IFT88: variants seen among roughly 807,000 people sequenced by gnomAD.
The protein encoded by IFT88 is intraflagellar transport protein 88 homolog.
A neutral mutation model predicts 119.5 loss-of-function variants in IFT88; 74 were observed. That is an observed-to-expected ratio of 0.62 (90% confidence interval 0.51 to 0.75). The LOEUF (loss-of-function observed/expected upper bound fraction) is 0.75, where lower values mean the gene tolerates loss of function less well. Among genes scored for constraint, IFT88 ranks in the 30% least tolerant of loss-of-function variants. The pLI is 0.00. For missense variants in IFT88, 961 were observed against 977.7 expected (o/e 0.98, Z 0.23); for synonymous variants, 279 against 316.7 (o/e 0.88, Z 1.26).
At chr13:20,621,526 T>TTAAAA (rs1476682272) in intron 14 of IFT88, among the ~76,000 whole-genome samples, 9 of 130,792 alleles carry the variant, frequency 6.9e-5, no homozygotes, top group African/African-American at 9.5e-5. Context: ...CCTGCTGAGA[T>TTAAAA]AAAAAAAAAA....
At chr13:20,599,137 T>C (rs1253065917) in intron 10 of IFT88, among the ~76,000 whole-genome samples, 1 of 152,052 alleles carries the variant, frequency 6.6e-6, no homozygotes, top group Admixed American at 6.5e-5. Context: ...TATTAAAATG[T>C]ATGTGGCATT....
intron 12 of IFT88, 60 bp downstream of exon 12, chr13:20,601,993 C>T: frequency 1.0e-6 from 1 of 976,816 alleles, no homozygotes. Context: ...TTTCTGTTTT[C>T]AGAATGAGAA....
rs372864877 is a variant in IFT88 at position 20,671,654 on chromosome 13, C to G, written c.2242+615C>G. ...TTTATTGAGTTTTCCACCCCTTCTTCCCATCAACAATCTACCTTCTTTCTC... is the reference window on the plus strand; with the variant it reads ...TTTATTGAGTTTTCCACCCCTTCTTGCCATCAACAATCTACCTTCTTTCTC... On this transcript the variant is annotated intron_variant, in intron 24 of 25. Transcript: ENST00000351808. Among the ~76,000 whole-genome samples the G allele has an allele frequency of 5.4e-4, 83 of 152,314 alleles. 1 individual carries two copies. The South Asian group carries it at 0.016, about 29-fold the overall frequency.
chr13:20,594,748 T>G (rs2041342159), intron 7 of IFT88, among the ~76,000 whole-genome samples: 2 of 152,216 alleles, frequency 1.3e-5, no homozygotes, highest in Admixed American at 1.3e-4. Flanking sequence ...TACCATCTAT[T>G]ATGCTTACTG....
At chr13:20,683,885 T>C (rs1015697365) in intron 24 of IFT88, among the ~76,000 whole-genome samples, 2 of 152,118 alleles carry the variant, frequency 1.3e-5, no homozygotes, top group Admixed American at 6.5e-5. Context: ...GAAGTAGATA[T>C]AACAATTTGA....
intron 7 of IFT88, 145 bp downstream of exon 7, chr13:20,592,549 A>G (rs2040864839): frequency 3.5e-6 from 2 of 574,006 alleles, no homozygotes; most frequent in Non-Finnish European, 6.0e-6. Context: ...GGCTCACTGC[A>G]ACCTTCATCT....
intron 2 of IFT88, among the ~76,000 whole-genome samples, chr13:20,576,284 G>A (rs1486445854): frequency 5.3e-5 from 8 of 152,064 alleles, no homozygotes; most frequent in Admixed American, 5.2e-4. Flanking sequence ...CTTGTCAGAG[G>A]GATAGTTTAT....
At chr13:20,616,972 C>T (rs1013877919) in intron 14 of IFT88, among the ~76,000 whole-genome samples, 5 of 151,938 alleles carry the variant, frequency 3.3e-5, no homozygotes, top group African/African-American at 1.2e-4. Flanking sequence ...GAGACAGAGT[C>T]TTGTTCTGCC....
intron 18 of IFT88, 76 bp downstream of exon 18, chr13:20,641,474 T>C: frequency 1.2e-6 from 1 of 846,644 alleles, no homozygotes; most frequent in Admixed American, 2.1e-5. Context: ...TTAAATAAGT[T>C]TAACTAATGA....
At position 20,691,390 on chromosome 13, in the gene IFT88, C is replaced by T. The variant is rs1186534837; in HGVS notation, c.*215C>T. The T allele has an allele frequency of 2.6e-6, 1 of 390,852 alleles. No homozygotes were observed. Among genetic ancestry groups the T allele is most frequent in the Non-Finnish European group, 4.5e-6 (1 of 220,160 alleles). 24.2% of individuals were successfully genotyped at this position (390,852 alleles called of 1,614,324 possible). A position where few individuals can be genotyped will look rare whatever the true frequency, so the allele number is the denominator to read the frequency against. On this transcript the variant is annotated 3_prime_UTR_variant, in exon 26 of 26. Transcript: ENST00000351808. ...TACTTTAGGCCAGTGACTTCCTTAGCTTTTTGAAAACATTGACACACAGGA... is the reference window on the plus strand; with the variant it reads ...TACTTTAGGCCAGTGACTTCCTTAGTTTTTTGAAAACATTGACACACAGGA...
chr13:20,619,534 A>G (rs887093578), intron 14 of IFT88, among the ~76,000 whole-genome samples: 1 of 152,052 alleles, frequency 6.6e-6, no homozygotes, highest in African/African-American at 2.4e-5. Flanking sequence ...AGTGTTGTCC[A>G]TGTCCTCGCA....
Position 20,601,688 on chromosome 13 carries a change from A to T in IFT88, c.813-17A>T. 4 of 1,513,170 alleles carry T rather than the reference A, an allele frequency of 2.6e-6. No homozygotes were observed. Among genetic ancestry groups the T allele is most frequent in the Non-Finnish European group, 2.7e-6 (3 of 1,093,560 alleles). The allele number at this position is 1,513,170 out of a possible 1,614,324, so 93.7% of individuals were successfully genotyped here. On this transcript the variant is annotated splice_polypyrimidine_tract_variant and intron_variant, in intron 11 of 25. Transcript: ENST00000351808. ...GAGTTCAGAATTTTAAAGCTAATCCATGTCTTTTTCTTTTAGGATTAAAAT... is the reference window on the plus strand; with the variant it reads ...GAGTTCAGAATTTTAAAGCTAATCCTTGTCTTTTTCTTTTAGGATTAAAAT...
In IFT88 at chr13:20,601,892, G is replaced by C. The variant is rs1260113585; in HGVS notation, c.1000G>C (p.Val334Leu). The C allele has an allele frequency of 1.9e-6, 3 of 1,606,734 alleles. No homozygotes were observed. The Admixed American group carries it at 5.0e-5, about 27-fold the overall frequency. ...GAAGGCATTCCAAAAATTGATTACT[G>C]TTCCATTAGAAATTGATGAAGATAA... ...MKKAFQKLIT[V>L]PLEIDEDKYI... The change falls in exon 12 of 26, where the codon GTT becomes CTT. Residue 334 changes from valine to leucine, a missense_variant. Coordinates refer to ENST00000351808, the MANE Select transcript of IFT88 (RefSeq NM_006531.5).
intron 24 of IFT88, among the ~76,000 whole-genome samples, chr13:20,683,690 CT>C (rs1171307296): frequency 6.6e-6 from 1 of 152,054 alleles, no homozygotes; most frequent in East Asian, 1.9e-4. Context: ...CATTTTTTTC[CT>C]TGAATGGTTA....
chr13:20,584,228 C>T (rs536041154), intron 3 of IFT88, among the ~76,000 whole-genome samples: 55 of 151,868 alleles, frequency 3.6e-4, no homozygotes, highest in Non-Finnish European at 3.2e-4. Context: ...GTGGTATGGA[C>T]ATCTTAACAA....
At chr13:20,655,375 G>A (rs1201458909) in intron 21 of IFT88, among the ~76,000 whole-genome samples, 3 of 151,108 alleles carry the variant, frequency 2.0e-5, no homozygotes, top group Non-Finnish European at 4.4e-5. Context: ...AAGGTTGGAG[G>A]TTGCAGTGAG....
intron 14 of IFT88, among the ~76,000 whole-genome samples, chr13:20,617,009 T>A (rs1211118208): frequency 6.6e-6 from 1 of 152,066 alleles, no homozygotes. Context: ...AGTGGCGCAA[T>A]CTCGGCTCAC....
intron 21 of IFT88, among the ~76,000 whole-genome samples, chr13:20,654,229 A>G (rs1216430407): frequency 1.3e-5 from 2 of 152,222 alleles, no homozygotes; most frequent in East Asian, 1.9e-4. Context: ...GGCATACTGT[A>G]TACATTATAT....
At chr13:20,632,367 C>T (rs145106178) in intron 16 of IFT88, among the ~76,000 whole-genome samples, 94 of 152,262 alleles carry the variant, frequency 6.2e-4, no homozygotes, top group Admixed American at 9.8e-4. Context: ...GCTGAGGTTG[C>T]AGGGCCAAGG....
Sources: gnomAD v4.1 joint callset for allele counts (sites outside exome capture counted in the v4.1 genomes callset) on GRCh38, gnomAD v4.1.1 for gene constraint, MANE v1.5 for transcripts, NCBI Gene and HGNC (gene_info 2026-07-23, HGNC 2026-07-21) for gene names.